Variants in CFAP299 observed in about 807,000 individuals in gnomAD.
CFAP299 encodes the protein cilia- and flagella-associated protein 299.
In CFAP299, 21 loss-of-function variants were observed where a neutral mutation model predicts 27.0. The ratio of observed to expected loss-of-function variants is 0.78; its 90% CI spans 0.55 to 1.12. The LOEUF (loss-of-function observed/expected upper bound fraction) is 1.12. Ranked by LOEUF, CFAP299 falls within the 50% of genes most tolerant of loss-of-function variation. The probability of loss-of-function intolerance (pLI) is 0.00; values close to 1 mark genes in which losing one functional copy is unlikely to be tolerated. For missense variants in CFAP299, 310 were observed against 276.6 expected, an observed-to-expected ratio of 1.12 and a Z score of -0.86; for synonymous variants, 104 against 98.1, an observed-to-expected ratio of 1.06 and a Z score of -0.36.
At chr4:80,460,514 A>G (rs1299503579) in intron 2 of CFAP299, among the ~76,000 whole-genome samples, 3 of 152,158 alleles carry the variant, frequency 2.0e-5, no homozygotes, top group African/African-American at 7.2e-5. Flanking sequence ...GACAGCACCC[A>G]AAATGTTCAT....
intron 2 of CFAP299, among the ~76,000 whole-genome samples, chr4:80,452,467 C>T (rs992281689): frequency 1.3e-5 from 2 of 152,098 alleles, no homozygotes; most frequent in African/African-American, 4.8e-5. Context: ...CTTAGGTTTG[C>T]AAAGGCCATG....
chr4:80,327,732 C>CAT, the CFAP299 span, among the ~76,000 whole-genome samples: 18,583 of 102,270 alleles, frequency 0.18, 3,168 homozygotes, highest in African/African-American at 0.45. Flanking sequence ...AACTTCAATA[C>CAT]ATATATATAT....
At chr4:80,453,115 G>A (rs1458491699) in intron 2 of CFAP299, among the ~76,000 whole-genome samples, 2 of 152,096 alleles carry the variant, frequency 1.3e-5, no homozygotes, top group Non-Finnish European at 2.9e-5. Context: ...ACATTATCAC[G>A]TTTCATATGA....
At chr4:80,651,558 T>C (rs1377253128) in intron 3 of CFAP299, among the ~76,000 whole-genome samples, 1 of 151,556 alleles carries the variant, frequency 6.6e-6, no homozygotes. Flanking sequence ...AGAGATAGGG[T>C]CTCTCTCTGT....
At chr4:80,891,137 C>T (rs1207243761) in intron 4 of CFAP299, among the ~76,000 whole-genome samples, 14 of 149,134 alleles carry the variant, frequency 9.4e-5, no homozygotes, top group South Asian at 6.5e-4. Context: ...TCCTTGCCCA[C>T]GCCTATGTCC....
intron 3 of CFAP299, among the ~76,000 whole-genome samples, chr4:80,745,343 AC>A: frequency 6.6e-6 from 1 of 152,218 alleles, no homozygotes; most frequent in South Asian, 2.1e-4. Context: ...TACTAAAATG[AC>A]CAGCAGACCA....
At chr4:80,546,930 A>G (rs1217897600) in intron 2 of CFAP299, among the ~76,000 whole-genome samples, 1 of 152,156 alleles carries the variant, frequency 6.6e-6, no homozygotes, top group African/African-American at 2.4e-5. Flanking sequence ...GGAAGAATCA[A>G]TATTGTTAAA....
chr4:80,740,664 G>T (rs1724207460), intron 3 of CFAP299, among the ~76,000 whole-genome samples: 1 of 152,190 alleles, frequency 6.6e-6, no homozygotes. Context: ...CTCGTTAGGA[G>T]CCAGGAATTG....
chr4:80,651,514 C>T (rs116483064), intron 3 of CFAP299, among the ~76,000 whole-genome samples: 1,788 of 151,560 alleles, frequency 0.012, 31 homozygotes, highest in African/African-American at 0.04. Flanking sequence ...TAGAGTTGTG[C>T]GCCGCCACAC....
chr4:80,738,494 T>A (rs1231614671), intron 3 of CFAP299, among the ~76,000 whole-genome samples: 1 of 152,092 alleles, frequency 6.6e-6, no homozygotes, highest in Non-Finnish European at 1.5e-5. Context: ...ACCTTCTTTG[T>A]CTCCTCTTAT....
intron 3 of CFAP299, chr4:80,790,525 T>G (rs1300874601): frequency 1.3e-5 from 2 of 151,926 alleles, no homozygotes; most frequent in Non-Finnish European, 2.9e-5. Flanking sequence ...GGAACCCCCA[T>G]GAATGAGATT....
intron 2 of CFAP299, among the ~76,000 whole-genome samples, chr4:80,400,167 T>A (rs1056035203): frequency 6.6e-6 from 1 of 152,232 alleles, no homozygotes; most frequent in African/African-American, 2.4e-5. Context: ...AAGTGAATAA[T>A]TTGACAGTCA....
intron 4 of CFAP299, chr4:80,872,657 T>C (rs1269890207): frequency 6.5e-6 from 1 of 152,844 alleles, no homozygotes; most frequent in Non-Finnish European, 1.5e-5. Context: ...AACTGTTCTT[T>C]CCCACTGTAG....
intron 3 of CFAP299, among the ~76,000 whole-genome samples, chr4:80,633,521 C>A (rs532194016): frequency 1.3e-5 from 2 of 152,076 alleles, no homozygotes; most frequent in African/African-American, 4.8e-5. Flanking sequence ...AACTTAAAAT[C>A]ACCATGGCAA....
At chr4:80,902,584 T>TACACACAC (rs1273685186) in intron 4 of CFAP299, among the ~76,000 whole-genome samples, 56 of 47,160 alleles carry the variant, frequency 1.2e-3, no homozygotes, top group Middle Eastern at 9.3e-3. Context: ...ATATGTAATA[T>TACACACAC]ATACACACAC....
intron 2 of CFAP299, chr4:80,387,436 G>A (rs1314635131): frequency 1.2e-6 from 1 of 864,446 alleles, no homozygotes; most frequent in Non-Finnish European, 2.0e-6. Flanking sequence ...AGTAGGAGCT[G>A]TAGATGAGGA....
chr4:80,393,613 A>C (rs1269470179), intron 2 of CFAP299, among the ~76,000 whole-genome samples: 2 of 152,198 alleles, frequency 1.3e-5, no homozygotes, highest in African/African-American at 4.8e-5. Flanking sequence ...TGCAGTATTC[A>C]GTACAGTAAC....
intron 2 of CFAP299, among the ~76,000 whole-genome samples, chr4:80,481,358 T>A (rs1730559365): frequency 6.6e-6 from 1 of 152,156 alleles, no homozygotes; most frequent in Admixed American, 6.5e-5. Flanking sequence ...TACAATATTT[T>A]AAAATCTATT....
chr4:80,623,843 C>CA (rs1265584328), intron 3 of CFAP299, among the ~76,000 whole-genome samples: 1 of 152,128 alleles, frequency 6.6e-6, no homozygotes, highest in African/African-American at 2.4e-5. Flanking sequence ...AAGACAGGAC[C>CA]ACACAGCCCC....
Sources: gnomAD v4.1 joint callset for allele counts (sites outside exome capture counted in the v4.1 genomes callset) on GRCh38, gnomAD v4.1.1 for gene constraint, MANE v1.5 for transcripts, NCBI Gene and HGNC (gene_info 2026-07-23, HGNC 2026-07-21) for gene names.